The following CHL1 variants were observed in gnomAD, a reference collection of about 807,000 sequenced individuals.
CHL1 encodes neural cell adhesion molecule L1-like protein.
In CHL1, 96 loss-of-function variants were observed where a neutral mutation model predicts 141.9. The ratio of observed to expected loss-of-function variants is 0.68; its 90% CI spans 0.57 to 0.80. CHL1 has a LOEUF of 0.80. Ranked by LOEUF, CHL1 falls within the 30% of genes least tolerant of loss-of-function variation. The pLI is 0.00. For missense variants in CHL1, 1,820 were observed against 1,457.2 expected (o/e 1.25, Z -4.05); for synonymous variants, 613 against 502.2 (o/e 1.22, Z -2.95).
rs559955035 is a variant in CHL1, at chr3:308,549, CATAG to C, written c.-94-11129_-94-11126del. Among the ~76,000 whole-genome samples, 82 of 151,096 alleles carry C rather than the reference CATAG, an allele frequency of 5.4e-4. 1 individual carries two copies. Among genetic ancestry groups the C allele is most frequent in the South Asian group, 2.5e-3 (12 of 4,776 alleles). On this transcript the variant is annotated intron_variant, in intron 2 of 27. Transcript: ENST00000256509. ...ATAGATAGATAGATAATCATATAAACATAGATAGTCATATAAACATAGGGAGATT... is the reference window on the plus strand; with the variant it reads ...ATAGATAGATAGATAATCATATAAACATAGTCATATAAACATAGGGAGATT...
chr3:242,682 A>ACG (rs1692774365), intron 1 of CHL1, among the ~76,000 whole-genome samples: 1 of 123,320 alleles, frequency 8.1e-6, no homozygotes, highest in African/African-American at 3.2e-5. Context: ...ATGCACACAA[A>ACG]CACACACACA....
intron 1 of CHL1, among the ~76,000 whole-genome samples, chr3:231,789 C>A (rs563338998): frequency 6.6e-6 from 1 of 151,872 alleles, no homozygotes; most frequent in Admixed American, 6.6e-5. Flanking sequence ...GTTGGCTAGG[C>A]TGGTCTCAAA....
At chr3:343,235 A>G (rs10865846) in intron 8 of CHL1, among the ~76,000 whole-genome samples, 64,290 of 151,990 alleles carry the variant, frequency 0.42, 15,084 homozygotes, top group East Asian at 0.56. Context: ...AACTGTATAA[A>G]TATAATGAAA....
intron 2 of CHL1, among the ~76,000 whole-genome samples, chr3:319,144 A>G (rs942690822): frequency 6.6e-6 from 1 of 151,856 alleles, no homozygotes; most frequent in East Asian, 1.9e-4. Context: ...ATAATAGAAT[A>G]TTATGGACAT....
At chr3:344,542 T>C (rs768637626) in intron 8 of CHL1, 47 bp from the exon 9 acceptor site, 38 of 1,452,124 alleles carry the variant, frequency 2.6e-5, no homozygotes, top group East Asian at 4.7e-5. Context: ...CAGAATTTTA[T>C]GTATATTAAT....
intron 2 of CHL1, among the ~76,000 whole-genome samples, chr3:253,348 T>C (rs1023436657): frequency 6.6e-6 from 1 of 152,140 alleles, no homozygotes; most frequent in Non-Finnish European, 1.5e-5. Flanking sequence ...TGAGGAGTTA[T>C]TGAATTGATG....
At chr3:200,229 C>T (rs780676852) in intron 1 of CHL1, among the ~76,000 whole-genome samples, 2 of 152,086 alleles carry the variant, frequency 1.3e-5, no homozygotes, top group African/African-American at 2.4e-5. Context: ...AGCTTTTCAC[C>T]ATTTTCTATT....
intron 27 of CHL1, among the ~76,000 whole-genome samples, chr3:402,708 T>C (rs1709237048): frequency 6.6e-6 from 1 of 152,248 alleles, no homozygotes; most frequent in South Asian, 2.1e-4. Flanking sequence ...CTTATTTTTC[T>C]GTATTCTACT....
chr3:282,820 A>G (rs1444493036), intron 2 of CHL1: 1 of 152,260 alleles, frequency 6.6e-6, no homozygotes, highest in Non-Finnish European at 1.5e-5. Flanking sequence ...TGCAATAGAA[A>G]TGAGGAAGAC....
rs374853896 is a variant in CHL1, at chr3:405,763, T to A, written c.*52T>A. 1.2e-4 allele frequency: 174 copies of A among 1,408,066 alleles called. 1 individual carries two copies. The highest frequency in any genetic ancestry group is 8.0e-4 in the Middle Eastern group (4 of 5,026). The allele number at this position is 1,408,066 out of a possible 1,614,324, so 87.2% of individuals were successfully genotyped here. A position where few individuals can be genotyped will look rare whatever the true frequency, so the allele number is the denominator to read the frequency against. On this transcript the variant is annotated 3_prime_UTR_variant, in exon 28 of 28. Transcript: ENST00000256509. ...GGTTCACCCCAACCTTCCATATTTA[T>A]CTGTTCAAAGGAGCAAGAACTTTCA...
In CHL1 at chr3:341,419, A is replaced by G. The variant is rs1467768347; in HGVS notation, c.509-493A>G. 2.6e-5 allele frequency among the ~76,000 whole-genome samples: 4 copies of G among 152,172 alleles called. No homozygotes were observed. The East Asian group carries it at 7.7e-4, about 29-fold the overall frequency. On this transcript the variant is annotated intron_variant, in intron 6 of 27. Coordinates refer to ENST00000256509, the MANE Select transcript of CHL1 (RefSeq NM_006614.4). Reference sequence around the variant, plus strand: ...ATGAAGCTACTCTTAGGTACAGCCAATTGTTCCAGACATCAGTTCCCCTAG... The same window carrying G: ...ATGAAGCTACTCTTAGGTACAGCCAGTTGTTCCAGACATCAGTTCCCCTAG...
chr3:202,256 T>G (rs754897835), intron 1 of CHL1, among the ~76,000 whole-genome samples: 2 of 152,194 alleles, frequency 1.3e-5, no homozygotes, highest in Admixed American at 6.5e-5. Context: ...ATTGTAGTGA[T>G]AATTATCCTT....
chr3:280,718 G>A (rs747885789), intron 2 of CHL1, among the ~76,000 whole-genome samples: 13 of 152,142 alleles, frequency 8.5e-5, no homozygotes, highest in Non-Finnish European at 1.8e-4. Context: ...TCTCTGAGAA[G>A]GAGTCAGTGA....
At chr3:373,386 G>T (rs1377543215) in intron 15 of CHL1, among the ~76,000 whole-genome samples, 1 of 152,178 alleles carries the variant, frequency 6.6e-6, no homozygotes, top group Non-Finnish European at 1.5e-5. Flanking sequence ...TCAGGGTCAG[G>T]CCTGAAGAGG....
At position 334,024 on chromosome 3, in the gene CHL1, A is replaced by G. The variant is rs191784013; in HGVS notation, c.385+5670A>G. Among the ~76,000 whole-genome samples the G allele has an allele frequency of 9.9e-4, 150 of 152,198 alleles. 1 individual carries two copies. The highest frequency in any genetic ancestry group is 3.4e-3 in the African/African-American group (141 of 41,516). On this transcript the variant is annotated intron_variant, in intron 5 of 27. Transcript: ENST00000256509. ...CAGGCTAGAGTGCAGTGGTACAAACATGGCTCACTGCAGCCTCATCCTCCT... is the reference window on the plus strand; with the variant it reads ...CAGGCTAGAGTGCAGTGGTACAAACGTGGCTCACTGCAGCCTCATCCTCCT...
chr3:243,473 C>T (rs1175119520), intron 1 of CHL1, among the ~76,000 whole-genome samples: 1 of 152,096 alleles, frequency 6.6e-6, no homozygotes, highest in African/African-American at 2.4e-5. Context: ...CCTTGTGGGG[C>T]TGAAAAGAGG....
At chr3:349,625 AC>A in intron 10 of CHL1, 82 bp downstream of exon 10, 1 of 1,150,696 alleles carries the variant, frequency 8.7e-7, no homozygotes, top group Non-Finnish European at 1.2e-6. Flanking sequence ...TCTAAATCAT[AC>A]ATGTTAAAAC....
intron 2 of CHL1, among the ~76,000 whole-genome samples, chr3:310,120 A>C (rs1216574411): frequency 6.6e-6 from 1 of 152,168 alleles, no homozygotes; most frequent in Admixed American, 6.5e-5. Flanking sequence ...ACAAGAGAAT[A>C]GTAGAGAAGG....
intron 2 of CHL1, among the ~76,000 whole-genome samples, chr3:299,510 T>C (rs1698520300): frequency 6.6e-6 from 1 of 152,158 alleles, no homozygotes; most frequent in Non-Finnish European, 1.5e-5. Context: ...ATAATAAAAA[T>C]AGCTACCAAT....
Sources: gnomAD v4.1 joint callset for allele counts (sites outside exome capture counted in the v4.1 genomes callset) on GRCh38, gnomAD v4.1.1 for gene constraint, MANE v1.5 for transcripts, NCBI Gene and HGNC (gene_info 2026-07-23, HGNC 2026-07-21) for gene names.